Variants in ANP32B observed in about 807,000 individuals in gnomAD.
ANP32B encodes acidic leucine-rich nuclear phosphoprotein 32 family member B.
In ANP32B, 6 loss-of-function variants were observed where a neutral mutation model predicts 32.2. The observed-to-expected ratio is 0.19, with a 90% CI of 0.10 to 0.37. The LOEUF is 0.37. Ranked by LOEUF, ANP32B falls within the 10% of genes least tolerant of loss-of-function variation. The pLI is 1.00. For synonymous variants in ANP32B, 98 were observed against 105.8 expected, an observed-to-expected ratio of 0.93 and a Z score of 0.45; for missense variants, 204 against 289.2, an observed-to-expected ratio of 0.71 and a Z score of 2.14.
chr9:97,983,408 C>T lies in ANP32B; in HGVS notation c.-148C>T. On this transcript the variant is annotated 5_prime_UTR_variant, in exon 1 of 7. Coordinates refer to ENST00000339399, the MANE Select transcript of ANP32B (RefSeq NM_006401.3). ...GCTCCGGGGGCTCCGCTCGCCTGCC[C>T]GCACGCCGCCCGCCACCCAGGACCG... is the stretch of plus-strand genomic sequence containing the variant. 3 of 635,728 alleles carry T rather than the reference C, an allele frequency of 4.7e-6. No homozygotes were observed. Among genetic ancestry groups the T allele is most frequent in the Admixed American group, 3.4e-5 (1 of 29,476 alleles). 39.4% of individuals were successfully genotyped at this position (635,728 alleles called of 1,614,324 possible).
chr9:97,990,907 G>A (rs547718126), intron 1 of ANP32B, among the ~76,000 whole-genome samples: 4 of 133,674 alleles, frequency 3.0e-5, no homozygotes, highest in South Asian at 2.6e-4. Context: ...GCAACCCTCC[G>A]CCTCGCGGGT....
At chr9:98,014,320 A>G (rs11793001) in intron 6 of ANP32B, among the ~76,000 whole-genome samples, 1 of 151,710 alleles carries the variant, frequency 6.6e-6, no homozygotes, top group Admixed American at 6.6e-5. Flanking sequence ...AGTCAGGAGA[A>G]CGGCATGAAC....
At chr9:98,007,895 T>C (rs1224481638) in intron 4 of ANP32B, among the ~76,000 whole-genome samples, 2 of 152,182 alleles carry the variant, frequency 1.3e-5, no homozygotes, top group East Asian at 3.8e-4. Flanking sequence ...GAGATGGCGT[T>C]CTAAAGGTGG....
intron 1 of ANP32B, among the ~76,000 whole-genome samples, chr9:97,990,158 T>C (rs940089261): frequency 2.0e-5 from 3 of 152,230 alleles, no homozygotes; most frequent in Non-Finnish European, 2.9e-5. Flanking sequence ...TTTCTCCTGC[T>C]GTCCTTTCCT....
chr9:98,004,364 C>T (rs768464819), intron 3 of ANP32B, among the ~76,000 whole-genome samples: 7 of 152,162 alleles, frequency 4.6e-5, no homozygotes, highest in African/African-American at 1.7e-4. Flanking sequence ...TCCGTATTTC[C>T]GAAGTTTCAA....
chr9:97,986,145 G>C (rs1436309886), intron 1 of ANP32B, among the ~76,000 whole-genome samples: 1 of 152,186 alleles, frequency 6.6e-6, no homozygotes, highest in African/African-American at 2.4e-5. Context: ...CAAGTAATCA[G>C]CTTAACCTTC....
At position 98,014,276 on chromosome 9, in the gene ANP32B, C is replaced by T. The variant is rs946141167; in HGVS notation, c.689-1088C>T. On this transcript the variant is annotated intron_variant, in intron 6 of 6. Transcript: ENST00000339399. Reference sequence around the variant, plus strand: ...CAAAAAAATTAGCCGGGTGTGGTGGCAGGCGCCTGTAGTCCCAGCTACTCG... The same window carrying T: ...CAAAAAAATTAGCCGGGTGTGGTGGTAGGCGCCTGTAGTCCCAGCTACTCG... Among the ~76,000 whole-genome samples, 108 of 151,906 alleles carry T rather than the reference C, an allele frequency of 7.1e-4. 1 individual carries two copies. Among genetic ancestry groups the T allele is most frequent in the Admixed American group, 6.9e-3 (105 of 15,244 alleles).
chr9:98,014,731 G>T (rs967506536), intron 6 of ANP32B, among the ~76,000 whole-genome samples: 15 of 152,186 alleles, frequency 9.9e-5, no homozygotes, highest in African/African-American at 3.6e-4. Context: ...ATGTCTTGAA[G>T]ACGTGCTAGA....
At position 97,985,084 on chromosome 9, in the gene ANP32B, ACCGGCGCGGG is replaced by A. The variant is rs1260248281; in HGVS notation, c.54+1478_54+1487del. On this transcript the variant is annotated intron_variant, in intron 1 of 6. Transcript: ENST00000339399. ...GTCGCGAGCCCCCCCCCCGCCGCGG[ACCGGCGCGGG>A]CCAGTTAGCGCCGCGGCCGGGTGCC... Among the ~76,000 whole-genome samples the A allele has an allele frequency of 3.1e-3, 455 of 147,260 alleles. 4 individuals are homozygous for A. The highest frequency in any genetic ancestry group is 0.011 in the African/African-American group (429 of 39,934).
Position 98,015,743 on chromosome 9 carries a change from A to G in ANP32B, c.*312A>G. The G allele has an allele frequency of 9.8e-7, 1 of 1,020,364 alleles. No homozygotes were observed. Among genetic ancestry groups the G allele is most frequent in the Non-Finnish European group, 1.2e-6 (1 of 852,376 alleles). The allele number at this position is 1,020,364 out of a possible 1,614,324, so 63.2% of individuals were successfully genotyped here. On this transcript the variant is annotated 3_prime_UTR_variant, in exon 7 of 7. Transcript: ENST00000339399. ...TCAACCGTCTGTGGCTACCAGTTAC[A>G]CTGAGATTGTAACAGCATTTTTACT...
intron 4 of ANP32B, among the ~76,000 whole-genome samples, chr9:98,006,483 A>C (rs1828085584): frequency 6.6e-6 from 1 of 152,210 alleles, no homozygotes. Flanking sequence ...CATGAGTAAA[A>C]AACGTCGCTG....
intron 1 of ANP32B, among the ~76,000 whole-genome samples, chr9:97,984,971 G>T (rs1293271270): frequency 6.6e-6 from 1 of 150,992 alleles, no homozygotes; most frequent in African/African-American, 2.4e-5. Context: ...GCCTGAGGGC[G>T]GCCCTCTTGC....
rs1283191149 is a variant in ANP32B, at chr9:98,001,142, G to A, written c.327+2464G>A. ...GACAGACATACTAATCCTAGGTTGT[G>A]AGCATAAGAAACCCTTCTCCCCGCC... On this transcript the variant is annotated intron_variant, in intron 3 of 6. Coordinates refer to ENST00000339399, the MANE Select transcript of ANP32B (RefSeq NM_006401.3). Among the ~76,000 whole-genome samples the A allele has an allele frequency of 1.6e-4, 24 of 151,236 alleles. 2 individuals are homozygous for A. Among genetic ancestry groups the A allele is most frequent in the Admixed American group, 1.6e-3 (24 of 15,186 alleles).
chr9:98,011,253 C>T lies in ANP32B; in HGVS notation c.518-18C>T, dbSNP rs1263424198. 6.4e-7 allele frequency: 1 copy of T among 1,550,900 alleles called. No homozygotes were observed. The highest frequency in any genetic ancestry group is 8.7e-7 in the Non-Finnish European group (1 of 1,146,634). ...AGCGTCGAGGATATTTAATGAATCC[C>T]TTTTGGACTATTTTTAGAAGGAGAA... On this transcript the variant is annotated intron_variant, in intron 4 of 6. Coordinates refer to ENST00000339399, the MANE Select transcript of ANP32B (RefSeq NM_006401.3).
At chr9:97,998,492 C>T (rs529344158) in intron 2 of ANP32B, 64 bp from the exon 3 acceptor site, 3 of 1,514,898 alleles carry the variant, frequency 2.0e-6, no homozygotes, top group South Asian at 2.6e-5. Context: ...ACTTACAATA[C>T]CTTAAATGAT....
intron 5 of ANP32B, 78 bp downstream of exon 5, chr9:98,011,467 A>G (rs545670433): frequency 6.6e-7 from 1 of 1,521,026 alleles, no homozygotes; most frequent in South Asian, 1.3e-5. Flanking sequence ...ATGACAAAAG[A>G]AAAGAAAAAA....
At position 98,015,440 on chromosome 9, in the gene ANP32B, A is replaced by G; in HGVS notation, c.*9A>G. 1 of 1,549,194 alleles carries G rather than the reference A, an allele frequency of 6.5e-7. No homozygotes were observed. The highest frequency in any genetic ancestry group is 2.0e-5 in the Admixed American group (1 of 50,968). On this transcript the variant is annotated 3_prime_UTR_variant, in exon 7 of 7. Transcript: ENST00000339399. ...AAGGAGAAGATGATTAAGACCCCAG[A>G]TGACCTGCAGAAACAGAACTGTTCA...
chr9:98,005,685 A>G (rs1057433759), intron 4 of ANP32B, among the ~76,000 whole-genome samples: 2 of 152,194 alleles, frequency 1.3e-5, no homozygotes, highest in East Asian at 1.9e-4. Flanking sequence ...AGCCTCCCCA[A>G]GTGGTGGGAT....
At chr9:97,984,206 G>A (rs974682635) in intron 1 of ANP32B, among the ~76,000 whole-genome samples, 1 of 150,610 alleles carries the variant, frequency 6.6e-6, no homozygotes, top group Non-Finnish European at 1.5e-5. Flanking sequence ...GCGCCTGGAG[G>A]CCTGGGCGGG....
Sources: gnomAD v4.1 joint callset for allele counts (sites outside exome capture counted in the v4.1 genomes callset) on GRCh38, gnomAD v4.1.1 for gene constraint, MANE v1.5 for transcripts, NCBI Gene and HGNC (gene_info 2026-07-23, HGNC 2026-07-21) for gene names.